The following SUPT3H variants were observed in gnomAD, a reference collection of about 807,000 sequenced individuals.
SUPT3H encodes the protein SPT3 homolog, SAGA and STAGA complex component, also known as transcription initiation protein SPT3 homolog.
SUPT3H carries 44 observed loss-of-function variants against 44.3 expected under a neutral mutation model. The observed-to-expected ratio is 0.99, with a 90% CI of 0.78 to 1.28. The LOEUF (loss-of-function observed/expected upper bound fraction) is 1.28, where lower values mean the gene tolerates loss of function less well. Ranked by LOEUF, SUPT3H falls within the 50% of genes most tolerant of loss-of-function variation. The pLI, the probability that SUPT3H is intolerant of heterozygous loss-of-function variation, is 0.00. For missense variants in SUPT3H, 380 were observed against 387.1 expected, an observed-to-expected ratio of 0.98 and a Z score of 0.15; for synonymous variants, 124 against 125.6, an observed-to-expected ratio of 0.99 and a Z score of 0.09.
chr6:44,868,416 T>C (rs1257674520), intron 10 of SUPT3H, among the ~76,000 whole-genome samples: 1 of 152,242 alleles, frequency 6.6e-6, no homozygotes, highest in Non-Finnish European at 1.5e-5. Flanking sequence ...GAACCATCCA[T>C]TTCAGCCTTT....
At chr6:45,136,055 A>G (rs1285011) in intron 2 of SUPT3H, among the ~76,000 whole-genome samples, 132,342 of 152,174 alleles carry the variant, frequency 0.87, 57,791 homozygotes, top group African/African-American at 0.91. Context: ...AGTGAATCCA[A>G]TGGAAAATAA....
intron 2 of SUPT3H, among the ~76,000 whole-genome samples, chr6:45,121,731 G>A (rs1484676832): frequency 4.0e-5 from 6 of 151,786 alleles, no homozygotes; most frequent in African/African-American, 9.7e-5. Flanking sequence ...GCTGGAGTGC[G>A]GTGGCGTGAT....
chr6:45,078,554 C>T (rs928118183), intron 3 of SUPT3H, among the ~76,000 whole-genome samples: 2 of 152,072 alleles, frequency 1.3e-5, no homozygotes, highest in African/African-American at 2.4e-5. Flanking sequence ...CTTTTTATTT[C>T]CTGTTGTAGC....
At chr6:45,083,701 T>TAAA (rs528988074) in intron 3 of SUPT3H, among the ~76,000 whole-genome samples, 1 of 135,182 alleles carries the variant, frequency 7.4e-6, no homozygotes, top group Non-Finnish European at 1.6e-5. Context: ...AAGGGTACAG[T>TAAA]AAAAAAAAAA....
intron 7 of SUPT3H, among the ~76,000 whole-genome samples, chr6:44,956,278 A>G (rs1280904222): frequency 2.0e-5 from 3 of 151,750 alleles, no homozygotes; most frequent in African/African-American, 7.3e-5. Flanking sequence ...AGGTCAAGAG[A>G]TGGAGACCAT....
At chr6:44,818,860 A>G (rs574490550) in intron 11 of SUPT3H, among the ~76,000 whole-genome samples, 5 of 152,300 alleles carry the variant, frequency 3.3e-5, no homozygotes, top group African/African-American at 1.2e-4. Context: ...TAGAAATCTC[A>G]TATTTCTGGT....
intron 3 of SUPT3H, among the ~76,000 whole-genome samples, chr6:45,065,367 C>T (rs1274273146): frequency 1.5e-5 from 2 of 134,304 alleles, no homozygotes; most frequent in Admixed American, 7.5e-5. Context: ...AGGAAAGATC[C>T]AAAATTGACA....
At chr6:45,356,913 A>G (rs867155667) in intron 2 of SUPT3H, among the ~76,000 whole-genome samples, 1 of 152,350 alleles carries the variant, frequency 6.6e-6, no homozygotes, top group Middle Eastern at 3.4e-3. Flanking sequence ...AATTTACTGT[A>G]ACGAGGCAAA....
intron 6 of SUPT3H, among the ~76,000 whole-genome samples, chr6:44,971,067 C>G (rs1777506253): frequency 6.6e-6 from 1 of 152,118 alleles, no homozygotes; most frequent in East Asian, 1.9e-4. Context: ...CAAAGGAGCC[C>G]TGCTTGCAAT....
At chr6:45,198,195 T>C (rs1018812445) in intron 2 of SUPT3H, among the ~76,000 whole-genome samples, 1 of 138,342 alleles carries the variant, frequency 7.2e-6, no homozygotes, top group Non-Finnish European at 1.7e-5. Context: ...AACAAAAAAA[T>C]ATTTTAAAAA....
intron 10 of SUPT3H, among the ~76,000 whole-genome samples, chr6:44,856,863 C>T (rs1236473719): frequency 6.6e-6 from 1 of 152,082 alleles, no homozygotes; most frequent in Non-Finnish European, 1.5e-5. Context: ...TAATTTAAGG[C>T]AAAGGTAATG....
downstream of SUPT3H, among the ~76,000 whole-genome samples, chr6:44,826,268 C>T (rs1317128905): frequency 1.3e-5 from 2 of 152,128 alleles, no homozygotes; most frequent in African/African-American, 4.8e-5. Flanking sequence ...AACACAATTC[C>T]ACAAAAACTG....
intron 2 of SUPT3H, among the ~76,000 whole-genome samples, chr6:45,178,215 T>G (rs185718793): frequency 6.6e-6 from 1 of 151,822 alleles, no homozygotes; most frequent in Non-Finnish European, 1.5e-5. Flanking sequence ...AATAAAAGGA[T>G]AGAGGAAGAT....
intron 5 of SUPT3H, among the ~76,000 whole-genome samples, chr6:45,005,625 C>T (rs146136775): frequency 1.4e-3 from 210 of 148,838 alleles, no homozygotes; most frequent in African/African-American, 5.0e-3. Flanking sequence ...CGCTTGAACC[C>T]GGGATACAGA....
At chr6:45,358,588 A>T (rs1035997391) in intron 2 of SUPT3H, among the ~76,000 whole-genome samples, 1 of 152,146 alleles carries the variant, frequency 6.6e-6, no homozygotes, top group African/African-American at 2.4e-5. Flanking sequence ...CAAGAGCACA[A>T]TGTTTATCAT....
chr6:44,906,057 G>C (rs545795425), intron 10 of SUPT3H, among the ~76,000 whole-genome samples: 2 of 152,266 alleles, frequency 1.3e-5, no homozygotes, highest in East Asian at 3.9e-4. Context: ...ATAGCATTAG[G>C]AGATATACCT....
At chr6:45,140,894 AT>A (rs1805071403) in intron 2 of SUPT3H, among the ~76,000 whole-genome samples, 1 of 152,198 alleles carries the variant, frequency 6.6e-6, no homozygotes, top group Non-Finnish European at 1.5e-5. Flanking sequence ...GGACAAAAGA[AT>A]GTGAACAGCA....
intron 5 of SUPT3H, among the ~76,000 whole-genome samples, chr6:45,010,695 T>C (rs1444365075): frequency 6.6e-6 from 1 of 152,066 alleles, no homozygotes; most frequent in Non-Finnish European, 1.5e-5. Context: ...AAACAAACTT[T>C]CTTGTGTCTC....
At chr6:45,314,314 G>GATA (rs1784393610) in intron 2 of SUPT3H, among the ~76,000 whole-genome samples, 1 of 152,192 alleles carries the variant, frequency 6.6e-6, no homozygotes, top group African/African-American at 2.4e-5. Flanking sequence ...AAGAGAAAGA[G>GATA]ATAAAGGGCA....
Sources: gnomAD v4.1 joint callset for allele counts (sites outside exome capture counted in the v4.1 genomes callset) on GRCh38, gnomAD v4.1.1 for gene constraint, MANE v1.5 for transcripts, NCBI Gene and HGNC (gene_info 2026-07-23, HGNC 2026-07-21) for gene names.